The following NUBPL variants were observed in gnomAD, a reference collection of about 807,000 sequenced individuals.
NUBPL encodes the protein NUBP iron-sulfur cluster assembly factor, mitochondrial, also known as iron-sulfur cluster transfer protein NUBPL.
In NUBPL, 31 loss-of-function variants were observed where a neutral mutation model predicts 45.7. The observed-to-expected ratio is 0.68, with a 90% CI of 0.51 to 0.92. The LOEUF is 0.92. Among genes scored for constraint, NUBPL ranks in the 40% least tolerant of loss-of-function variants. NUBPL has a pLI of 0.00. For missense variants in NUBPL, 401 were observed against 398.7 expected, an observed-to-expected ratio of 1.01 and a Z score of -0.05; for synonymous variants, 144 against 140.9, an observed-to-expected ratio of 1.02 and a Z score of -0.15.
chr14:31,780,789 A>G (rs1224006076), intron 6 of NUBPL, among the ~76,000 whole-genome samples: 1 of 152,226 alleles, frequency 6.6e-6, no homozygotes, highest in Non-Finnish European at 1.5e-5. Flanking sequence ...GTAACTAACA[A>G]AGAAATCTAG....
chr14:31,705,701 G>A (rs2139907648), intron 6 of NUBPL, among the ~76,000 whole-genome samples: 1 of 152,196 alleles, frequency 6.6e-6, no homozygotes, highest in African/African-American at 2.4e-5. Flanking sequence ...GTGCTGATTG[G>A]TGCATTTACA....
rs1243964678 is a variant in NUBPL at position 31,686,974 on chromosome 14, C to T, written c.513+13400C>T. Among the ~76,000 whole-genome samples, 5 of 152,148 alleles carry T rather than the reference C, an allele frequency of 3.3e-5. No individual in the cohort carries two copies. The South Asian group carries it at 6.2e-4, about 19-fold the overall frequency. On this transcript the variant is annotated intron_variant, in intron 6 of 10. Coordinates refer to ENST00000281081, the MANE Select transcript of NUBPL (RefSeq NM_025152.3). ...CTACAAAAAATAAAAAACAGCTGGG[C>T]ATGGTTGCATGTACCAGTAGTCTTG... is the stretch of plus-strand genomic sequence containing the variant.
chr14:31,811,983 A>G (rs940197150), intron 7 of NUBPL, among the ~76,000 whole-genome samples: 6 of 152,200 alleles, frequency 3.9e-5, no homozygotes, highest in Admixed American at 6.5e-5. Flanking sequence ...AGAACAGCAA[A>G]TATTGCTCCC....
chr14:31,698,017 T>C (rs2037251229), intron 6 of NUBPL, among the ~76,000 whole-genome samples: 1 of 152,178 alleles, frequency 6.6e-6, no homozygotes, highest in Non-Finnish European at 1.5e-5. Context: ...ATAAATATTA[T>C]TGGGGACTTC....
intron 3 of NUBPL, among the ~76,000 whole-genome samples, chr14:31,584,863 T>A (rs190445383): frequency 6.6e-6 from 1 of 152,336 alleles, no homozygotes; most frequent in Non-Finnish European, 1.5e-5. Context: ...CTTCTCATTT[T>A]ATTGGATTAT....
chr14:31,575,883 A>G (rs2033704155), intron 3 of NUBPL, among the ~76,000 whole-genome samples: 1 of 152,172 alleles, frequency 6.6e-6, no homozygotes, highest in South Asian at 2.1e-4. Flanking sequence ...AAAAGGTCAG[A>G]TTCAGAAGGA....
chr14:31,763,122 G>A (rs530168675), intron 6 of NUBPL, among the ~76,000 whole-genome samples: 1 of 152,280 alleles, frequency 6.6e-6, no homozygotes, highest in East Asian at 1.9e-4. Context: ...GAGGAACAGT[G>A]GGGATGAAGG....
intron 4 of NUBPL, among the ~76,000 whole-genome samples, chr14:31,646,336 G>A (rs553775857): frequency 6.6e-6 from 1 of 152,012 alleles, no homozygotes; most frequent in East Asian, 1.9e-4. Flanking sequence ...ACAGGCACCC[G>A]CCCCCACGCC....
At chr14:31,740,299 T>G (rs995883205) in intron 6 of NUBPL, among the ~76,000 whole-genome samples, 3 of 152,228 alleles carry the variant, frequency 2.0e-5, no homozygotes, top group Non-Finnish European at 4.4e-5. Flanking sequence ...TTGCTCCACA[T>G]CCTCACCATC....
At chr14:31,639,298 A>C (rs902747703) in intron 4 of NUBPL, among the ~76,000 whole-genome samples, 2 of 152,074 alleles carry the variant, frequency 1.3e-5, no homozygotes, top group Admixed American at 6.6e-5. Flanking sequence ...TTTCCTTCTA[A>C]CAGACAGGAC....
At position 31,580,062 on chromosome 14, in the gene NUBPL, C is replaced by G. The variant is rs183250472; in HGVS notation, c.291+15014C>G. Among the ~76,000 whole-genome samples the G allele has an allele frequency of 2.2e-3, 328 of 152,208 alleles. 1 individual carries two copies. Among genetic ancestry groups the G allele is most frequent in the African/African-American group, 7.5e-3 (313 of 41,526 alleles). Reference sequence around the variant, plus strand: ...CAAATAACATGCTTTCCTTTAATGTCCAATAAAGGCTATTTATATGAAATG... The same window carrying G: ...CAAATAACATGCTTTCCTTTAATGTGCAATAAAGGCTATTTATATGAAATG... On this transcript the variant is annotated intron_variant, in intron 3 of 10. Coordinates refer to ENST00000281081, the MANE Select transcript of NUBPL (RefSeq NM_025152.3).
At chr14:31,749,611 C>T (rs1485282131) in intron 6 of NUBPL, among the ~76,000 whole-genome samples, 1 of 151,940 alleles carries the variant, frequency 6.6e-6, no homozygotes, top group Non-Finnish European at 1.5e-5. Context: ...AGTTTCTTTT[C>T]CCTCTGCTTT....
chr14:31,779,434 G>A lies in NUBPL; in HGVS notation c.514-8346G>A, dbSNP rs188415675. On this transcript the variant is annotated intron_variant, in intron 6 of 10. Transcript: ENST00000281081. ...GAGCCGTGACAGAGTATGGAATGGA[G>A]ATAGTGAGAGGTAGCCCCATAACTA... 9.2e-5 allele frequency among the ~76,000 whole-genome samples: 14 copies of A among 152,252 alleles called. No homozygotes were observed. The East Asian group carries it at 2.7e-3, about 29-fold the overall frequency.
At chr14:31,786,908 C>G (rs749423995) in intron 6 of NUBPL, among the ~76,000 whole-genome samples, 60 of 152,146 alleles carry the variant, frequency 3.9e-4, no homozygotes, top group Non-Finnish European at 7.5e-4. Context: ...TTGTTAGGAA[C>G]AGACTAGATA....
chr14:31,804,861 G>C (rs1465052612), intron 7 of NUBPL, among the ~76,000 whole-genome samples: 1 of 152,028 alleles, frequency 6.6e-6, no homozygotes, highest in Non-Finnish European at 1.5e-5. Flanking sequence ...ATACCATCCT[G>C]GACATAGGAA....
At chr14:31,697,645 T>C (rs2037242551) in intron 6 of NUBPL, among the ~76,000 whole-genome samples, 1 of 152,358 alleles carries the variant, frequency 6.6e-6, no homozygotes, top group South Asian at 2.1e-4. Context: ...TGGAAAGGCA[T>C]GACTTCATCT....
intron 7 of NUBPL, among the ~76,000 whole-genome samples, chr14:31,802,368 T>G (rs2039607812): frequency 6.6e-6 from 1 of 151,940 alleles, no homozygotes; most frequent in Non-Finnish European, 1.5e-5. Flanking sequence ...CTCTGCCTCC[T>G]GGGTTCAAGC....
At chr14:31,569,999 A>G (rs1373840446) in intron 3 of NUBPL, among the ~76,000 whole-genome samples, 1 of 152,236 alleles carries the variant, frequency 6.6e-6, no homozygotes, top group South Asian at 2.1e-4. Context: ...AAAGACCATC[A>G]GAAACCATTG....
intron 8 of NUBPL, chr14:31,844,390 G>A (rs889265412): frequency 2.0e-5 from 3 of 152,322 alleles, no homozygotes; most frequent in African/African-American, 4.8e-5. Context: ...AGCAGTGAGT[G>A]TATTATATAG....
Sources: allele counts gnomAD v4.1 joint callset (sites outside exome capture counted in the v4.1 genomes callset), GRCh38; gene constraint gnomAD v4.1.1; transcripts MANE v1.5; gene names NCBI Gene and HGNC (gene_info 2026-07-23, HGNC 2026-07-21).